ATRNL1: variants seen among roughly 807,000 people sequenced by gnomAD.
ATRNL1 encodes attractin-like protein 1.
In ATRNL1, 95 loss-of-function variants were observed where a neutral mutation model predicts 182.7. The ratio of observed to expected loss-of-function variants is 0.52; its 90% CI spans 0.44 to 0.62. The LOEUF (loss-of-function observed/expected upper bound fraction) is 0.62, where lower values mean the gene tolerates loss of function less well. Among genes scored for constraint, ATRNL1 ranks in the 20% least tolerant of loss-of-function variants. The probability of loss-of-function intolerance (pLI) is 0.00; values close to 1 mark genes in which losing one functional copy is unlikely to be tolerated. For missense variants in ATRNL1, 1,471 were observed against 1,679.5 expected, an observed-to-expected ratio of 0.88 and a Z score of 2.17; for synonymous variants, 576 against 568.3, an observed-to-expected ratio of 1.01 and a Z score of -0.19.
chr10:115,745,496 T>G (rs879950649), intron 27 of ATRNL1, among the ~76,000 whole-genome samples: 13 of 152,134 alleles, frequency 8.5e-5, no homozygotes, highest in Non-Finnish European at 2.9e-5. Flanking sequence ...AAGCTATCAG[T>G]AGGATTTCTG....
At chr10:115,408,825 G>T (rs664158) in intron 20 of ATRNL1, among the ~76,000 whole-genome samples, 1 of 151,794 alleles carries the variant, frequency 6.6e-6, no homozygotes, top group South Asian at 2.1e-4. Context: ...TATTGAAGAG[G>T]TTATTTTTTC....
intron 26 of ATRNL1, among the ~76,000 whole-genome samples, chr10:115,628,146 C>CA (rs34729273): frequency 0.2 from 21,870 of 108,768 alleles, 2,056 homozygotes; most frequent in Non-Finnish European, 0.26. Flanking sequence ...GACTCTGTCT[C>CA]AAAAAAAAAA....
chr10:115,638,730 T>C (rs1859050006), intron 26 of ATRNL1, among the ~76,000 whole-genome samples: 1 of 152,136 alleles, frequency 6.6e-6, no homozygotes, highest in South Asian at 2.1e-4. Context: ...AAGAATCAAA[T>C]GAAGATTATA....
intron 25 of ATRNL1, among the ~76,000 whole-genome samples, chr10:115,533,854 G>A (rs1380070349): frequency 5.3e-5 from 8 of 150,692 alleles, no homozygotes; most frequent in South Asian, 2.1e-4. Flanking sequence ...CCTTCATTTC[G>A]TTATGTACCC....
chr10:115,855,461 A>G (rs1555101630), intron 28 of ATRNL1, among the ~76,000 whole-genome samples: 1 of 152,166 alleles, frequency 6.6e-6, no homozygotes, highest in Non-Finnish European at 1.5e-5. Context: ...CCCCAGTAGT[A>G]AGCTCTCTGA....
At chr10:115,828,524 G>A (rs1354746118) in intron 27 of ATRNL1, among the ~76,000 whole-genome samples, 1 of 152,164 alleles carries the variant, frequency 6.6e-6, no homozygotes, top group African/African-American at 2.4e-5. Flanking sequence ...AAATAGACAG[G>A]TAGCTACAGT....
intron 25 of ATRNL1, among the ~76,000 whole-genome samples, chr10:115,535,623 C>T (rs1225087132): frequency 3.3e-5 from 5 of 152,188 alleles, no homozygotes; most frequent in Non-Finnish European, 7.3e-5. Flanking sequence ...GAGTCATTCT[C>T]CGTCCAGCTT....
At position 115,442,303 on chromosome 10, in the gene ATRNL1, C is replaced by CTCTCTCTG. The variant is rs782157017; in HGVS notation, c.3322+16002_3322+16003insCTCTCTGT. Among the ~76,000 whole-genome samples the CTCTCTCTG allele has an allele frequency of 3.3e-3, 406 of 123,804 alleles. 9 individuals carry two copies. Among genetic ancestry groups the CTCTCTCTG allele is most frequent in the African/African-American group, 0.012 (371 of 32,162 alleles). The allele number at this position is 123,804 out of a possible 152,430, so 81.2% of individuals were successfully genotyped here. Reference sequence around the variant, plus strand: ...TCTCTCTCTCTCTCTCTCTCTCTCTCTGTGTGTATGTGTGTGTGTAAACAA... The same window carrying CTCTCTCTG: ...TCTCTCTCTCTCTCTCTCTCTCTCTCTCTCTCTGTGTGTGTATGTGTGTGTGTAAACAA... On this transcript the variant is annotated intron_variant, in intron 21 of 28. Transcript: ENST00000355044.
At chr10:115,449,630 C>T (rs1554967308) in intron 21 of ATRNL1, among the ~76,000 whole-genome samples, 1 of 152,176 alleles carries the variant, frequency 6.6e-6, no homozygotes, top group South Asian at 2.1e-4. Context: ...CATGGGGCTG[C>T]ACAGAGTTTT....
chr10:115,516,635 G>T (rs746363658), intron 24 of ATRNL1, among the ~76,000 whole-genome samples: 7 of 151,626 alleles, frequency 4.6e-5, no homozygotes, highest in Non-Finnish European at 1.0e-4. Flanking sequence ...CATGGCCAAC[G>T]ACCTATGTGA....
rs186013700 is a variant in ATRNL1, at chr10:115,206,074, G to C, written c.1349-9623G>C. 1.4e-3 allele frequency among the ~76,000 whole-genome samples: 212 copies of C among 152,136 alleles called. 1 individual carries two copies. The highest frequency in any genetic ancestry group is 2.4e-3 in the Non-Finnish European group (162 of 67,942). On this transcript the variant is annotated intron_variant, in intron 8 of 28. Coordinates refer to ENST00000355044, the MANE Select transcript of ATRNL1 (RefSeq NM_207303.4). ...TCTTTATTTCACACTTATCCGTGTA[G>C]GATATTTCTGTTGCATATAGAATCC...
intron 1 of ATRNL1, among the ~76,000 whole-genome samples, chr10:115,116,730 G>T (rs1554870070): frequency 6.6e-6 from 1 of 152,062 alleles, no homozygotes; most frequent in Non-Finnish European, 1.5e-5. Context: ...CTTTTACCTT[G>T]ATTGGTGACA....
At chr10:115,861,296 G>A (rs962711332) in intron 28 of ATRNL1, among the ~76,000 whole-genome samples, 3 of 152,084 alleles carry the variant, frequency 2.0e-5, no homozygotes, top group East Asian at 1.9e-4. Flanking sequence ...CCACCCAGGC[G>A]AGCTAAGGGC....
At chr10:115,393,750 G>T (rs538541976) in intron 19 of ATRNL1, among the ~76,000 whole-genome samples, 1 of 152,018 alleles carries the variant, frequency 6.6e-6, no homozygotes, top group South Asian at 2.1e-4. Flanking sequence ...AAAAGGAGGG[G>T]TCAGATACAA....
chr10:115,421,817 A>G (rs541268351), intron 20 of ATRNL1, among the ~76,000 whole-genome samples: 3 of 152,334 alleles, frequency 2.0e-5, no homozygotes, highest in South Asian at 4.1e-4. Flanking sequence ...TGTGGTAACC[A>G]AAACAGGATG....
At chr10:115,116,757 G>GTGGACTGGTAT (rs1375189922) in intron 1 of ATRNL1, among the ~76,000 whole-genome samples, 1 of 152,054 alleles carries the variant, frequency 6.6e-6, no homozygotes, top group Non-Finnish European at 1.5e-5. Context: ...CATGCTTCCA[G>GTGGACTGGTAT]TGGACTGGTA....
chr10:115,717,305 CA>C (rs1947283881), intron 26 of ATRNL1, among the ~76,000 whole-genome samples: 1 of 152,066 alleles, frequency 6.6e-6, no homozygotes, highest in African/African-American at 2.4e-5. Context: ...CTGAGATATA[CA>C]AAGAAAATTA....
rs1325282418 is a variant in ATRNL1, at chr10:115,426,377, ATAAC to A, written c.3322+79_3322+82del. On this transcript the variant is annotated intron_variant, in intron 21 of 28. Coordinates refer to ENST00000355044, the MANE Select transcript of ATRNL1 (RefSeq NM_207303.4). Reference sequence around the variant, plus strand: ...TTTCAAATAATAAAGGTCATCTTGAATAACTAAAATTGTCATGAATATCTTGCAA... The same window carrying A: ...TTTCAAATAATAAAGGTCATCTTGAATAAAATTGTCATGAATATCTTGCAA... 4 of 1,065,240 alleles carry A rather than the reference ATAAC, an allele frequency of 3.8e-6. No homozygotes were observed. In the African/African-American group the frequency reaches 6.4e-5, roughly 17 times the overall value. 66.0% of individuals were successfully genotyped at this position (1,065,240 alleles called of 1,614,324 possible).
chr10:115,625,769 T>G (rs1858054787), intron 26 of ATRNL1, among the ~76,000 whole-genome samples: 1 of 151,960 alleles, frequency 6.6e-6, no homozygotes, highest in South Asian at 2.1e-4. Context: ...AACCTAGAAT[T>G]GGATGCCAAG....
Sources: allele counts gnomAD v4.1 joint callset (sites outside exome capture counted in the v4.1 genomes callset), GRCh38; gene constraint gnomAD v4.1.1; transcripts MANE v1.5; gene names NCBI Gene and HGNC (gene_info 2026-07-23, HGNC 2026-07-21).